PLEC: variants seen among roughly 807,000 people sequenced by gnomAD.
The protein encoded by PLEC is plectin.
Under a neutral mutation model 392.8 loss-of-function variants are expected in PLEC, and 216 were observed. That is an observed-to-expected ratio of 0.55 (90% CI 0.49 to 0.62). The LOEUF (loss-of-function observed/expected upper bound fraction) is 0.62. Among genes scored for constraint, PLEC ranks in the 20% least tolerant of loss-of-function variants. PLEC has a pLI of 0.00. For synonymous variants in PLEC, 3,621 were observed against 2,980.6 expected (o/e 1.21, Z -7.00); for missense variants, 6,863 against 6,563.4 (o/e 1.05, Z -1.58).
In PLEC at chr8:143,969,204, C is replaced by T. The variant is rs782685263; in HGVS notation, c.70+4199G>A. On this transcript the variant is annotated intron_variant, in intron 1 of 31. Transcript: ENST00000356346. The surrounding 1 kb of genome is among the most constrained non-coding windows in gnomAD (Gnocchi z 5.1). ...GGAGGGTGAGGTGCTGATGGCGCGG[C>T]GATGTGAGCAGCCCTGACAGCGTCC... Among the ~76,000 whole-genome samples, 4 of 152,192 alleles carry T rather than the reference C, an allele frequency of 2.6e-5. No homozygotes were observed. The highest frequency in any genetic ancestry group is 7.2e-5 in the African/African-American group (3 of 41,442).
Position 143,922,224 on chromosome 8 carries a change from C to T in PLEC, c.7597G>A (p.Glu2533Lys). The part of the protein sequence containing the change: ...EVAKAQQLRE[E>K]QQRQQQQMEQ... The stretch of plus-strand genomic sequence containing the variant: ...ATCTGCTGCTGCTGCCGCTGCTGCT[C>T]CTCACGCAGCTGCTGTGCCTTGGCC... Residue 2533 changes from glutamate to lysine, a missense_variant, in exon 32 of 32, where the codon GAG (glutamate) becomes AAG (lysine). Glu to Lys is a moderately conservative substitution (Grantham distance 56, BLOSUM62 1). Coordinates refer to ENST00000345136, the MANE Select transcript of PLEC (RefSeq NM_201384.3). 6.4e-7 allele frequency: 1 copy of T among 1,572,438 alleles called. No individual in the cohort carries two copies. The highest frequency in any genetic ancestry group is 8.6e-7 in the Non-Finnish European group (1 of 1,162,072).
Position 143,919,176 on chromosome 8 carries a change from C to T in PLEC, c.10645G>A (p.Ala3549Thr), listed in dbSNP as rs782783378. Residue 3549 changes from alanine (A) to threonine (T), a missense_variant, in exon 32 of 32, where the codon GCT (alanine) becomes ACT (threonine). Ala to Thr is a moderately conservative substitution (Grantham distance 58). Coordinates refer to ENST00000345136, the MANE Select transcript of PLEC (RefSeq NM_201384.3). ...ACCTGCGTGGTCTCCACCACCTCAGCCTTCTCCGCCCCTTTCAGTGGCAGA... is the reference window on the plus strand; with the variant it reads ...ACCTGCGTGGTCTCCACCACCTCAGTCTTCTCCGCCCCTTTCAGTGGCAGA... ...RLLPLKGAEK[A>T]EVVETTQVYT... is the part of the protein sequence containing the mutation. 1 of 1,613,546 alleles carries T rather than the reference C, an allele frequency of 6.2e-7. No individual in the cohort carries two copies. Among genetic ancestry groups the T allele is most frequent in the South Asian group, 1.1e-5 (1 of 91,090 alleles).
chr8:143,942,464 G>A (rs781854095), upstream of PLEC: 1 of 1,600,152 alleles, frequency 6.2e-7, no homozygotes, highest in East Asian at 2.2e-5. Flanking sequence ...CAGCACGGCC[G>A]CTCCAGCAAG....
Position 143,929,752 on chromosome 8 carries a change from G to C in PLEC, c.2817C>G (p.Asp939Glu), listed in dbSNP as rs782431230. ...LELHYQAFLR[D>E]SQDAGGFGPE... ...GTCCGAAGCCGCCCGCGTCCTGGCT[G>C]TCCCGCAGGAAGGCCTGGTAGTGCA... Residue 939 changes from aspartate (D) to glutamate (E), a missense_variant, in exon 23 of 32, where the codon GAC (aspartate) becomes GAG (glutamate). Coordinates refer to ENST00000345136, the MANE Select transcript of PLEC (RefSeq NM_201384.3). 6.2e-7 allele frequency: 1 copy of C among 1,600,040 alleles called. No homozygotes were observed. The highest frequency in any genetic ancestry group is 2.2e-5 in the East Asian group (1 of 44,830).
chr8:143,935,758 CCTCCCTGCCCCA>C (rs1554722631), intron 6 of PLEC, 78 bp downstream of exon 6: 2 of 1,428,112 alleles, frequency 1.4e-6, no homozygotes, highest in African/African-American at 2.8e-5. Flanking sequence ...CTCCTGCCCT[CCTCCCTGCCCCA>C]ACGTGTCTGA....
rs1473764921 is a variant in PLEC, at chr8:143,925,619, G to C, written c.4310C>G (p.Ala1437Gly). 1 of 1,582,890 alleles carries C rather than the reference G, an allele frequency of 6.3e-7. No homozygotes were observed. Among genetic ancestry groups the C allele is most frequent in the Non-Finnish European group, 8.5e-7 (1 of 1,172,010 alleles). The part of the protein sequence containing the change: ...QSSEAEIQAK[A>G]RQAEAAERSR... ...GCGCTCAGCCGCCTCTGCCTGCCGG[G>C]CCTTGGCCTGGATCTCCGCCTCCGA... The change falls in exon 31 of 32, where the codon GCC becomes GGC. Residue 1437 changes from alanine (A) to glycine (G), a missense_variant. Physicochemically the swap from Ala to Gly is moderately conservative, Grantham distance 60. Coordinates refer to ENST00000345136, the MANE Select transcript of PLEC (RefSeq NM_201384.3).
intron 1 of PLEC, among the ~76,000 whole-genome samples, chr8:143,963,406 T>C (rs766034601): frequency 1.3e-5 from 2 of 152,228 alleles, no homozygotes; most frequent in Non-Finnish European, 2.9e-5. Context: ...TCACGGGCCT[T>C]GAAACCCCAC....
rs781843129 is a variant in PLEC at position 143,920,878 on chromosome 8, C to T, written c.8943G>A (p.Val2981=). The T allele has an allele frequency of 2.5e-6, 4 of 1,610,926 alleles. No homozygotes were observed. Among genetic ancestry groups the T allele is most frequent in the African/African-American group, 1.3e-5 (1 of 74,912 alleles). The change falls in exon 32 of 32, where the codon GTG becomes GTA. Residue 2981 remains valine, a synonymous_variant. Transcript: ENST00000345136. The part of the protein sequence containing the change: ...RLCFEGLRSL[V]PAAELLESRV... ...TGCTCTCCAGCAGCTCGGCGGCTGG[C>T]ACCAGGCTGCGCAGGCCCTCAAAGC... is the stretch of plus-strand genomic sequence containing the variant.
At chr8:143,928,795 T>G (rs1170459178) in intron 25 of PLEC, among the ~76,000 whole-genome samples, 1 of 152,172 alleles carries the variant, frequency 6.6e-6, no homozygotes, top group African/African-American at 2.4e-5. Context: ...TTCCTTACTG[T>G]GCCACTGAAA....
At chr8:143,942,308 G>A (rs976346705), upstream of PLEC, 4 of 1,529,722 alleles carry the variant, frequency 2.6e-6, no homozygotes, top group Non-Finnish European at 3.6e-6. Flanking sequence ...CAGCCCAGGC[G>A]GCGGTTCCCA....
chr8:143,917,121 C>G lies in PLEC; in HGVS notation c.12700G>C (p.Asp4234His), dbSNP rs782628125. Reference sequence around the variant, plus strand: ...CCACCGGCGTTGCCCGAGAGCATGTCGGCGAACTCGGTGATGGAGAGCGTG... The same window carrying G: ...CCACCGGCGTTGCCCGAGAGCATGTGGGCGAACTCGGTGATGGAGAGCGTG... ...AGTLSITEFA[D>H]MLSGNAGGFR... The change falls in exon 32 of 32, where the codon GAC becomes CAC. Residue 4234 changes from aspartate to histidine, a missense_variant. By Grantham distance (81) the Asp-to-His change is moderately conservative. Coordinates refer to ENST00000345136, the MANE Select transcript of PLEC (RefSeq NM_201384.3). 1 of 1,604,308 alleles carries G rather than the reference C, an allele frequency of 6.2e-7. No individual in the cohort carries two copies. Among genetic ancestry groups the G allele is most frequent in the East Asian group, 2.2e-5 (1 of 44,560 alleles).
At chr8:143,930,925 C>A (rs1344195716) in intron 19 of PLEC, among the ~76,000 whole-genome samples, 1 of 152,186 alleles carries the variant, frequency 6.6e-6, no homozygotes, top group Non-Finnish European at 1.5e-5. Flanking sequence ...CGGCTCTCCC[C>A]CCGGCCCAGC....
Position 143,927,866 on chromosome 8 carries a change from C to T in PLEC, c.3387G>A (p.Lys1129=), listed in dbSNP as rs1241811872. 5 of 1,590,562 alleles carry T rather than the reference C, an allele frequency of 3.1e-6. No individual in the cohort carries two copies. The African/African-American group carries it at 6.7e-5, about 21-fold the overall frequency. ...CTCGAAACGATACCTTCAGAGAGGC[C>T]TTGGTGGCCTCGAGCTCCGGGAGGG... ...PATLPELEAT[K]ASLKKLRAQA... is the part of the protein sequence containing the mutation. The change falls in exon 26 of 32, where the codon AAG becomes AAA. Residue 1129 remains lysine, a synonymous_variant. Coordinates refer to ENST00000345136, the MANE Select transcript of PLEC (RefSeq NM_201384.3).
Position 143,916,456 on chromosome 8 carries a change from C to T in PLEC, c.13365G>A (p.Val4455=), listed in dbSNP as rs1554669143. 1.9e-6 allele frequency: 3 copies of T among 1,611,810 alleles called. No individual in the cohort carries two copies. Among genetic ancestry groups the T allele is most frequent in the Admixed American group, 1.7e-5 (1 of 59,976 alleles). The change falls in exon 32 of 32, where the codon GTG becomes GTA. Residue 4455 remains valine (V), a synonymous_variant. Coordinates refer to ENST00000345136, the MANE Select transcript of PLEC (RefSeq NM_201384.3). ...SYKDALDRSM[V]EEGTGLRLLE... ...GCAGCCGCAGCCCCGTGCCCTCCTC[C>T]ACCATGCTGCGGTCCAGCGCGTCCT...
In PLEC at chr8:143,925,688, T is replaced by G. The variant is rs781994601; in HGVS notation, c.4241A>C (p.Gln1414Pro). 1.3e-6 allele frequency: 2 copies of G among 1,592,114 alleles called. No homozygotes were observed. Among genetic ancestry groups the G allele is most frequent in the Admixed American group, 1.7e-5 (1 of 59,432 alleles). Reference protein sequence around the residue: ...REEAAVDAQQQKRSIQEELQQ... With the variant: ...REEAAVDAQQPKRSIQEELQQ... ...CAGCTCCTCCTGAATGCTGCGCTTCTGCTGCTGCGCGTCCACCGCCGCCTC... is the reference window on the plus strand; with the variant it reads ...CAGCTCCTCCTGAATGCTGCGCTTCGGCTGCTGCGCGTCCACCGCCGCCTC... The change falls in exon 31 of 32, where the codon CAG becomes CCG. Residue 1414 changes from glutamine (Q) to proline (P), a missense_variant. Gln to Pro is a moderately conservative substitution (Grantham distance 76). Transcript: ENST00000345136.
chr8:143,961,277 G>A (rs1554740782), intron 1 of PLEC, among the ~76,000 whole-genome samples: 1 of 151,530 alleles, frequency 6.6e-6, no homozygotes, highest in East Asian at 1.9e-4. Context: ...CCAGGCTGGA[G>A]TGCAATGGCG....
At position 143,923,795 on chromosome 8, in the gene PLEC, T is replaced by G. The variant is rs782227177; in HGVS notation, c.6134A>C (p.Lys2045Thr). Reference sequence around the variant, plus strand: ...TGCCTTCTCTTCCGCCTGCAGCCGCTTCTGGGCGGCCTCCTGGGCCAGCTG... The same window carrying G: ...TGCCTTCTCTTCCGCCTGCAGCCGCGTCTGGGCGGCCTCCTGGGCCAGCTG... ...QLQLAQEAAQKRLQAEEKAHA... is the reference protein window; with the variant it reads ...QLQLAQEAAQTRLQAEEKAHA... Residue 2045 changes from lysine (K) to threonine (T), a missense_variant, in exon 31 of 32, where the codon AAG becomes ACG. Coordinates refer to ENST00000345136, the MANE Select transcript of PLEC (RefSeq NM_201384.3). The G allele has an allele frequency of 3.8e-6, 6 of 1,578,416 alleles. No homozygotes were observed. In the African/African-American group the frequency reaches 8.1e-5, roughly 21 times the overall value.
rs1554675838 is a variant in PLEC, at chr8:143,918,633, T to C, written c.11188A>G (p.Thr3730Ala). The change falls in exon 32 of 32, where the codon ACA becomes GCA. Residue 3730 changes from threonine to alanine, a missense_variant. Thr to Ala is a moderately conservative substitution (Grantham distance 58, BLOSUM62 0). Transcript: ENST00000345136. ...ARLLLEAQAATGFLLDPVKGE... is the reference protein window; with the variant it reads ...ARLLLEAQAAAGFLLDPVKGE... Reference sequence around the variant, plus strand: ...TTCACCGGGTCCAGCAGGAAGCCTGTGGCTGCCTGTGCCTCCAGCAGCAGG... The same window carrying C: ...TTCACCGGGTCCAGCAGGAAGCCTGCGGCTGCCTGTGCCTCCAGCAGCAGG... 3 of 1,612,734 alleles carry C rather than the reference T, an allele frequency of 1.9e-6. No homozygotes were observed. The highest frequency in any genetic ancestry group is 2.5e-6 in the Non-Finnish European group (3 of 1,179,968).
upstream of PLEC, among the ~76,000 whole-genome samples, chr8:143,957,041 A>G (rs1327780328): frequency 2.0e-5 from 3 of 152,176 alleles, no homozygotes; most frequent in Non-Finnish European, 4.4e-5. Context: ...GCAACCCCCA[A>G]GAAGGTGGAG....
Sources: allele counts gnomAD v4.1 joint callset (sites outside exome capture counted in the v4.1 genomes callset), GRCh38; gene constraint gnomAD v4.1.1; non-coding constraint Gnocchi (gnomAD v3.1); transcripts MANE v1.5; gene names NCBI Gene and HGNC (gene_info 2026-07-23, HGNC 2026-07-21).